Variants in GRAMD4 observed in about 807,000 individuals in gnomAD.
The protein encoded by GRAMD4 is GRAM domain-containing protein 4.
In GRAMD4, 25 loss-of-function variants were observed where a neutral mutation model predicts 83.9. The ratio of observed to expected loss-of-function variants is 0.30; its 90% CI spans 0.22 to 0.42. The LOEUF (loss-of-function observed/expected upper bound fraction) is 0.42, where lower values mean the gene tolerates loss of function less well. Ranked by LOEUF, GRAMD4 falls within the 10% of genes least tolerant of loss-of-function variation. The pLI is 1.00. For missense variants in GRAMD4, 593 were observed against 788.7 expected (o/e 0.75, Z 2.97); for synonymous variants, 336 against 320.9 (o/e 1.05, Z -0.50).
Position 46,613,795 on chromosome 22 carries a change from C to G in GRAMD4, c.-49-12956C>G, listed in dbSNP as rs9917581. ...CCTCCTGCCCTGGAGGCGGGCTGCC[C>G]GGCTTGCTGCTTCCTGCTTCCCAGG... On this transcript the variant is annotated intron_variant, in intron 1 of 1. Coordinates refer to the GRAMD4 transcript ENST00000431155. Among the ~76,000 whole-genome samples, 1,413 of 152,340 alleles carry G rather than the reference C, an allele frequency of 9.3e-3. 26 individuals are homozygous for G. Among genetic ancestry groups the G allele is most frequent in the African/African-American group, 0.032 (1,336 of 41,580 alleles).
Position 46,620,392 on chromosome 22 carries a change from G to A in GRAMD4, c.-223G>A. On this transcript the variant is annotated 5_prime_UTR_variant, in exon 1 of 19. Transcript: ENST00000406902. The surrounding 1 kb of genome is among the most constrained non-coding windows in gnomAD (Gnocchi z 4.7). ...CCTGCTGCCCTGCTCTGGTGCACAGGACTGGAGTCCTCCAGGCTCCAGGGC... is the reference window on the plus strand; with the variant it reads ...CCTGCTGCCCTGCTCTGGTGCACAGAACTGGAGTCCTCCAGGCTCCAGGGC... 3.0e-6 allele frequency: 3 copies of A among 985,290 alleles called. No homozygotes were observed. Among genetic ancestry groups the A allele is most frequent in the Non-Finnish European group, 3.6e-6 (3 of 829,866 alleles). 61.0% of individuals were successfully genotyped at this position (985,290 alleles called of 1,614,324 possible).
At chr22:46,644,707 T>G (rs975050071) in intron 3 of GRAMD4, among the ~76,000 whole-genome samples, 2 of 59,100 alleles carry the variant, frequency 3.4e-5, no homozygotes, top group African/African-American at 1.3e-4. Context: ...GTTTTTTTTT[T>G]TTTTTTTTTT....
chr22:46,632,305 G>A (rs953665612), intron 2 of GRAMD4, among the ~76,000 whole-genome samples: 1 of 152,222 alleles, frequency 6.6e-6, no homozygotes, highest in Non-Finnish European at 1.5e-5. Flanking sequence ...TTAGGGCTGG[G>A]GCAGCGTCTG....
chr22:46,616,393 C>CATGTAGGTTCCCCCGT (rs1569262684), upstream of GRAMD4, among the ~76,000 whole-genome samples: 1 of 51,494 alleles, frequency 1.9e-5, no homozygotes, highest in Admixed American at 1.8e-4. Context: ...TTCCCCTGTG[C>CATGTAGGTTCCCCCGT]GTGTAGGTTC....
Position 46,622,105 on chromosome 22 carries a change from C to T in GRAMD4, c.-50+1540C>T, listed in dbSNP as rs2081584276. 6.6e-6 allele frequency among the ~76,000 whole-genome samples: 1 copy of T among 152,184 alleles called. No homozygotes were observed. The highest frequency in any genetic ancestry group is 2.4e-5 in the African/African-American group (1 of 41,446). On this transcript the variant is annotated intron_variant, in intron 1 of 18. Coordinates refer to ENST00000406902, the MANE Select transcript of GRAMD4 (RefSeq NM_015124.5). This position sits in a 1 kb window ranked among gnomAD's most constrained non-coding sequence, Gnocchi z 4.0. Reference sequence around the variant, plus strand: ...GGCACGCATTGCATTCTGATGGTGACAGGCGGGACACTCAGGGCCTTTGTC... The same window carrying T: ...GGCACGCATTGCATTCTGATGGTGATAGGCGGGACACTCAGGGCCTTTGTC...
intron 2 of GRAMD4, among the ~76,000 whole-genome samples, chr22:46,635,106 C>CACCCCT (rs1569276622): frequency 8.4e-6 from 1 of 119,118 alleles, no homozygotes; most frequent in African/African-American, 2.8e-5. Flanking sequence ...TCCCTGCCCC[C>CACCCCT]GCCCCCAGCC....
intron 1 of GRAMD4, among the ~76,000 whole-genome samples, chr22:46,597,330 A>G (rs1298065404): frequency 1.3e-5 from 2 of 152,182 alleles, no homozygotes; most frequent in Admixed American, 6.5e-5. Context: ...AGAAAATGCT[A>G]TGAAGCCCCC....
chr22:46,666,943 A>G, intron 10 of GRAMD4, 70 bp downstream of exon 10: 5 of 1,146,764 alleles, frequency 4.4e-6, no homozygotes, highest in Non-Finnish European at 6.2e-6. Context: ...GCCTGTAGGC[A>G]CCGCTCGGGG....
intron 13 of GRAMD4, among the ~76,000 whole-genome samples, chr22:46,671,717 A>G (rs2082509021): frequency 6.6e-6 from 1 of 151,184 alleles, no homozygotes; most frequent in Non-Finnish European, 1.5e-5. Context: ...GTGTGGTGGT[A>G]GGCTCCCAGC....
Position 46,663,178 on chromosome 22 carries a change from G to A in GRAMD4, c.599+6G>A, listed in dbSNP as rs372297328. ...GAACCCCTGAGCGCCCGCAGGTAGG[G>A]GTTCGCCGAGCTGGGGCTGCCTGTG... On this transcript the variant is annotated splice_donor_region_variant and intron_variant, in intron 6 of 18. Transcript: ENST00000406902. 22 of 1,609,328 alleles carry A rather than the reference G, an allele frequency of 1.4e-5. No individual in the cohort carries two copies. In the African/African-American group the frequency reaches 2.8e-4, roughly 21 times the overall value.
upstream of GRAMD4, among the ~76,000 whole-genome samples, chr22:46,576,460 G>A (rs2081043246): frequency 6.6e-6 from 1 of 152,210 alleles, no homozygotes; most frequent in Non-Finnish European, 1.5e-5. Context: ...TGCCCCGCAG[G>A]TAGTGCCTGG....
At chr22:46,656,983 C>A (rs527246773) in intron 3 of GRAMD4, among the ~76,000 whole-genome samples, 1 of 152,274 alleles carries the variant, frequency 6.6e-6, no homozygotes, top group East Asian at 1.9e-4. Context: ...AGGCAGCCTT[C>A]TGGGGAGAGA....
At chr22:46,647,811 T>C (rs2082092667) in intron 3 of GRAMD4, among the ~76,000 whole-genome samples, 1 of 152,258 alleles carries the variant, frequency 6.6e-6, no homozygotes, top group Non-Finnish European at 1.5e-5. Context: ...CTTCCCGTCC[T>C]CTGCACCTCA....
At chr22:46,682,095 C>T (rs1601701987), downstream of GRAMD4, among the ~76,000 whole-genome samples, 1 of 152,226 alleles carries the variant, frequency 6.6e-6, no homozygotes, top group Non-Finnish European at 1.5e-5. Flanking sequence ...CCTCAAAACC[C>T]CTGGAACCAG....
intron 1 of GRAMD4, among the ~76,000 whole-genome samples, chr22:46,590,673 C>G (rs2081198160): frequency 6.6e-6 from 1 of 152,126 alleles, no homozygotes; most frequent in African/African-American, 2.4e-5. Flanking sequence ...CCAGGGCGTG[C>G]TTGGGTGAGG....
chr22:46,649,292 T>A (rs2082130809), intron 3 of GRAMD4, among the ~76,000 whole-genome samples: 1 of 150,320 alleles, frequency 6.7e-6, no homozygotes, highest in African/African-American at 2.5e-5. Context: ...CCTGGAGGGC[T>A]TGGCTGCTGG....
chr22:46,649,098 A>G (rs941486503), intron 3 of GRAMD4, among the ~76,000 whole-genome samples: 7 of 152,210 alleles, frequency 4.6e-5, no homozygotes, highest in African/African-American at 1.7e-4. Flanking sequence ...CCTTGCTCCC[A>G]TTCTGTCTGG....
rs1244538891 is a variant in GRAMD4 at position 46,622,353 on chromosome 22, G to A, written c.-50+1788G>A. Among the ~76,000 whole-genome samples the A allele has an allele frequency of 1.3e-5, 2 of 152,128 alleles. No individual in the cohort carries two copies. Among genetic ancestry groups the A allele is most frequent in the African/African-American group, 2.4e-5 (1 of 41,428 alleles). ...CCCCAGCGCCCGGGTCATCCCCTCC[G>A]CTTCCCTCTCAGCTGCCGCAACCAG... On this transcript the variant is annotated intron_variant, in intron 1 of 18. Coordinates refer to ENST00000406902, the MANE Select transcript of GRAMD4 (RefSeq NM_015124.5). The surrounding 1 kb of genome is among the most constrained non-coding windows in gnomAD (Gnocchi z 4.0).
intron 12 of GRAMD4, 27 bp downstream of exon 12, chr22:46,668,759 T>A: frequency 5.4e-6 from 5 of 923,046 alleles, no homozygotes; most frequent in Non-Finnish European, 8.4e-6. Flanking sequence ...ACCCCGGCCC[T>A]GCGGCGCCCG....
Sources: allele counts gnomAD v4.1 joint callset (sites outside exome capture counted in the v4.1 genomes callset), GRCh38; gene constraint gnomAD v4.1.1; non-coding constraint Gnocchi (gnomAD v3.1); transcripts MANE v1.5; gene names NCBI Gene and HGNC (gene_info 2026-07-23, HGNC 2026-07-21).